Variants in CBLN2 observed in about 807,000 individuals in gnomAD.
CBLN2 encodes cerebellin-2.
CBLN2 carries 7 observed loss-of-function variants against 15.0 expected under a neutral mutation model. That is an observed-to-expected ratio of 0.47 (90% CI 0.27 to 0.88). The LOEUF is 0.88. CBLN2 is among the 40% of genes least tolerant of loss of function. The pLI is 0.14. For missense variants in CBLN2, 242 were observed against 304.5 expected (o/e 0.79, Z 1.53); for synonymous variants, 149 against 135.2 (o/e 1.10, Z -0.71).
At chr18:72,577,676 C>A (rs1459259381) in intron 1 of CBLN2, among the ~76,000 whole-genome samples, 2 of 152,182 alleles carry the variant, frequency 1.3e-5, no homozygotes, top group African/African-American at 4.8e-5. Flanking sequence ...ACGCTCTGGC[C>A]TGGTGCTAAT....
chr18:72,572,530 T>C (rs1257581522), intron 1 of CBLN2, among the ~76,000 whole-genome samples: 1 of 152,196 alleles, frequency 6.6e-6, no homozygotes, highest in African/African-American at 2.4e-5. Context: ...TGAATGATTG[T>C]CAAATTTGTC....
chr18:72,556,285 G>A (rs1446093901), intron 1 of CBLN2, among the ~76,000 whole-genome samples: 3 of 152,160 alleles, frequency 2.0e-5, no homozygotes, highest in Non-Finnish European at 2.9e-5. Flanking sequence ...CACTTAGGGA[G>A]ATAGGATAAC....
chr18:72,543,858 C>CG lies in CBLN2; in HGVS notation c.-212+118dup, dbSNP rs1260339075. ...AGCGCGGCTCCCTCGCGGGTCCCCT[C>CG]GGCCCCGCAGCCCCGCCAGTCTCCA... On this transcript the variant is annotated intron_variant, in intron 1 of 4. Transcript: ENST00000269503. This position sits in a 1 kb window ranked among gnomAD's most constrained non-coding sequence, Gnocchi z 6.8. 2 of 155,294 alleles carry CG rather than the reference C, an allele frequency of 1.3e-5. No homozygotes were observed. The highest frequency in any genetic ancestry group is 2.8e-5 in the Non-Finnish European group (2 of 70,324). 9.6% of individuals were successfully genotyped at this position (155,294 alleles called of 1,614,324 possible). A position where few individuals can be genotyped will look rare whatever the true frequency, so the allele number is the denominator to read the frequency against.
chr18:72,547,760 T>C (rs977045116), upstream of CBLN2, among the ~76,000 whole-genome samples: 1 of 152,140 alleles, frequency 6.6e-6, no homozygotes, highest in Non-Finnish European at 1.5e-5. Context: ...TGAGGTGATA[T>C]ATCAATGTGT....
Position 72,543,648 on chromosome 18 carries a change from C to A in CBLN2, c.-211-118G>T, listed in dbSNP as rs893080930. On this transcript the variant is annotated intron_variant, in intron 1 of 4. Transcript: ENST00000269503. The surrounding 1 kb of genome is among the most constrained non-coding windows in gnomAD (Gnocchi z 6.8). The stretch of plus-strand genomic sequence containing the variant: ...CCGCCCTGCCGCTTTCCCGCGCCAG[C>A]CTGCGCCGCTTCAGGGGTGCACCAC... 2 of 379,422 alleles carry A rather than the reference C, an allele frequency of 5.3e-6. No homozygotes were observed. The highest frequency in any genetic ancestry group is 4.7e-6 in the Non-Finnish European group (1 of 214,072). 23.5% of individuals were successfully genotyped at this position (379,422 alleles called of 1,614,324 possible).
At chr18:72,559,380 C>T (rs1024544458) in intron 1 of CBLN2, among the ~76,000 whole-genome samples, 21 of 152,162 alleles carry the variant, frequency 1.4e-4, no homozygotes, top group Admixed American at 1.3e-4. Flanking sequence ...TATCGTGTTC[C>T]CTAACCTATT....
chr18:72,555,741 G>A (rs1374319315), intron 1 of CBLN2, among the ~76,000 whole-genome samples: 1 of 152,144 alleles, frequency 6.6e-6, no homozygotes, highest in African/African-American at 2.4e-5. Context: ...TCATGACCTT[G>A]TAGCAAAGTG....
chr18:72,563,592 T>C (rs2069275252), intron 1 of CBLN2, among the ~76,000 whole-genome samples: 1 of 152,200 alleles, frequency 6.6e-6, no homozygotes, highest in Non-Finnish European at 1.5e-5. Flanking sequence ...ACTCTGCTCC[T>C]GCCACCTCAT....
At chr18:72,551,427 T>C (rs2069191188) in intron 1 of CBLN2, among the ~76,000 whole-genome samples, 1 of 152,204 alleles carries the variant, frequency 6.6e-6, no homozygotes, top group Admixed American at 6.5e-5. Context: ...ATCCTGTGCT[T>C]CCTTTTGTTG....
upstream of CBLN2, among the ~76,000 whole-genome samples, chr18:72,546,243 C>T (rs1025962213): frequency 3.9e-5 from 6 of 152,150 alleles, no homozygotes; most frequent in Non-Finnish European, 8.8e-5. Context: ...TGAGACCATC[C>T]TGGCTAACAC....
At position 72,538,963 on chromosome 18, in the gene CBLN2, A is replaced by T. The variant is rs1381458953; in HGVS notation, c.358-191T>A. The T allele has an allele frequency of 5.3e-6, 3 of 562,154 alleles. No homozygotes were observed. In the African/African-American group the frequency reaches 5.6e-5, roughly 10 times the overall value. The allele number at this position is 562,154 out of a possible 1,614,324, so 34.8% of individuals were successfully genotyped here. On this transcript the variant is annotated intron_variant, in intron 3 of 4. Coordinates refer to ENST00000269503, the MANE Select transcript of CBLN2 (RefSeq NM_182511.4). ...TTAAAAGATCCTATAGCAGGAAGTAATCTCAAAGGTATTTTAATAAATTGT... is the reference window on the plus strand; with the variant it reads ...TTAAAAGATCCTATAGCAGGAAGTATTCTCAAAGGTATTTTAATAAATTGT...
chr18:72,611,455 G>T (rs1419114083), intron 1 of CBLN2, among the ~76,000 whole-genome samples: 2 of 152,126 alleles, frequency 1.3e-5, no homozygotes, highest in Non-Finnish European at 2.9e-5. Flanking sequence ...GCATGAGATG[G>T]TATTTAACCG....
At chr18:72,556,641 T>C (rs531353182) in intron 1 of CBLN2, among the ~76,000 whole-genome samples, 1 of 152,276 alleles carries the variant, frequency 6.6e-6, no homozygotes, top group Admixed American at 6.5e-5. Flanking sequence ...GGGAGAGTTA[T>C]GGAGCAATGA....
In CBLN2 at chr18:72,615,042, T is replaced by C. The variant is rs57490547; in HGVS notation, c.15+23283A>G. ...AACTTAAGGAGATCAAGTACATATA[T>C]ATATATATATATATAAATATATATA... On this transcript the variant is annotated intron_variant, in intron 1 of 2. Transcript: ENST00000581073. Among the ~76,000 whole-genome samples, 224 of 138,512 alleles carry C rather than the reference T, an allele frequency of 1.6e-3. 7 individuals carry two copies. The East Asian group carries it at 0.041, about 26-fold the overall frequency. 90.9% of individuals were successfully genotyped at this position (138,512 alleles called of 152,430 possible). A position where few individuals can be genotyped will look rare whatever the true frequency, so the allele number is the denominator to read the frequency against.
At chr18:72,624,127 G>T (rs1426437868) in intron 1 of CBLN2, among the ~76,000 whole-genome samples, 1 of 151,976 alleles carries the variant, frequency 6.6e-6, no homozygotes, top group African/African-American at 2.4e-5. Context: ...TGGACACATA[G>T]GAGGACTAAC....
intron 1 of CBLN2, among the ~76,000 whole-genome samples, chr18:72,628,788 A>G (rs1256574937): frequency 6.6e-6 from 1 of 152,238 alleles, no homozygotes; most frequent in Non-Finnish European, 1.5e-5. Flanking sequence ...TCTTGGCATT[A>G]GGAATCAGCC....
In CBLN2 at chr18:72,543,372, C is replaced by T. The variant is rs2069132973; in HGVS notation, c.-167+114G>A. The T allele has an allele frequency of 5.1e-6, 2 of 395,828 alleles. No individual in the cohort carries two copies. Among genetic ancestry groups the T allele is most frequent in the South Asian group, 2.6e-4 (2 of 7,786 alleles). The allele number at this position is 395,828 out of a possible 1,614,324, so 24.5% of individuals were successfully genotyped here. Reference sequence around the variant, plus strand: ...CCGCAGCCCCGATCCTACATGATTTCCCTTCTCTCTCTCCACCTCCTCCAC... The same window carrying T: ...CCGCAGCCCCGATCCTACATGATTTTCCTTCTCTCTCTCCACCTCCTCCAC... On this transcript the variant is annotated intron_variant, in intron 2 of 4. Coordinates refer to ENST00000269503, the MANE Select transcript of CBLN2 (RefSeq NM_182511.4). This position sits in a 1 kb window ranked among gnomAD's most constrained non-coding sequence, Gnocchi z 6.8.
rs554972723 is a variant in CBLN2 at position 72,585,696 on chromosome 18, A to G, written c.16-46924T>C. On this transcript the variant is annotated intron_variant, in intron 1 of 2. Coordinates refer to the CBLN2 transcript ENST00000581073. ...ACCAAGGACCCACCCCTTTCCACCCAGAAGCCTGTCTGCCTCCTGCTGCCA... is the reference window on the plus strand; with the variant it reads ...ACCAAGGACCCACCCCTTTCCACCCGGAAGCCTGTCTGCCTCCTGCTGCCA... Among the ~76,000 whole-genome samples the G allele has an allele frequency of 7.9e-5, 12 of 152,302 alleles. No individual in the cohort carries two copies. In the South Asian group the frequency reaches 1.2e-3, roughly 16 times the overall value.
Position 72,541,809 on chromosome 18 carries a change from C to T in CBLN2, c.352G>A (p.Asp118Asn). ...MSNRTMTIYF[D>N]QVLVNIGNHF... ...TGGGCAGGCCGACGGCTGACCTGGT[C>T]GAAATAGATGGTCATGGTGCGGTTG... Residue 118 changes from aspartate (D) to asparagine (N), a missense_variant, in exon 3 of 5, where the codon GAC becomes AAC. By Grantham distance (23) the Asp-to-Asn change is conservative. Transcript: ENST00000269503. 2 of 1,554,234 alleles carry T rather than the reference C, an allele frequency of 1.3e-6. No individual in the cohort carries two copies. The highest frequency in any genetic ancestry group is 1.7e-6 in the Non-Finnish European group (2 of 1,150,932).
Sources: allele counts gnomAD v4.1 joint callset (sites outside exome capture counted in the v4.1 genomes callset), GRCh38; gene constraint gnomAD v4.1.1; non-coding constraint Gnocchi (gnomAD v3.1); transcripts MANE v1.5; gene names NCBI Gene and HGNC (gene_info 2026-07-23, HGNC 2026-07-21).